The following CDH4 variants were observed in gnomAD, a reference collection of about 807,000 sequenced individuals.
The protein encoded by CDH4 is cadherin 4.
CDH4 carries 33 observed loss-of-function variants against 86.0 expected under a neutral mutation model. The ratio of observed to expected loss-of-function variants is 0.38; its 90% CI spans 0.29 to 0.51. CDH4 has a LOEUF of 0.51. Ranked by LOEUF, CDH4 falls within the 20% of genes least tolerant of loss-of-function variation. The probability of loss-of-function intolerance (pLI) is 0.86; values close to 1 mark genes in which losing one functional copy is unlikely to be tolerated. For missense variants in CDH4, 1,114 were observed against 1,307.4 expected (o/e 0.85, Z 2.28); for synonymous variants, 555 against 549.4 (o/e 1.01, Z -0.14).
At chr20:61,765,309 A>G (rs6061814) in intron 3 of CDH4, among the ~76,000 whole-genome samples, 9,760 of 152,150 alleles carry the variant, frequency 0.064, 607 homozygotes, top group African/African-American at 0.17. Context: ...TCTGGGGCAC[A>G]CTGCTCCAGG....
At chr20:61,550,922 C>A (rs181882144) in intron 2 of CDH4, among the ~76,000 whole-genome samples, 104 of 152,346 alleles carry the variant, frequency 6.8e-4, no homozygotes, top group Admixed American at 1.6e-3. Context: ...CAGACAGAAT[C>A]TCCTCTTGCA....
At chr20:61,655,605 A>G (rs1600845192) in intron 2 of CDH4, among the ~76,000 whole-genome samples, 1 of 152,258 alleles carries the variant, frequency 6.6e-6, no homozygotes, top group Admixed American at 6.5e-5. Context: ...CCCACCGGCC[A>G]GGAAGCTCCA....
chr20:61,394,617 C>T (rs967248377), intron 2 of CDH4, among the ~76,000 whole-genome samples: 2 of 151,708 alleles, frequency 1.3e-5, no homozygotes. Context: ...CAGGGGACAG[C>T]TGAGCACCAT....
In CDH4 at chr20:61,703,988, G is replaced by A. The variant is rs2087803859; in HGVS notation, c.170-39575G>A. On this transcript the variant is annotated intron_variant, in intron 2 of 15. Transcript: ENST00000614565. This position sits in a 1 kb window ranked among gnomAD's most constrained non-coding sequence, Gnocchi z 4.3. ...GAGGGTGGCAGAGTCACAGCCGCTG[G>A]GAGTGGCCGGGCAGGTGGCTGTGCC... Among the ~76,000 whole-genome samples, 1 of 152,160 alleles carries A rather than the reference G, an allele frequency of 6.6e-6. No homozygotes were observed. The highest frequency in any genetic ancestry group is 2.1e-4 in the South Asian group (1 of 4,806).
chr20:61,904,071 C>G (rs559589918), intron 8 of CDH4, among the ~76,000 whole-genome samples: 1 of 152,356 alleles, frequency 6.6e-6, no homozygotes, highest in African/African-American at 2.4e-5. Flanking sequence ...AAGCCGGCGT[C>G]CTGTGGGCTT....
chr20:61,536,296 C>T (rs2145648656), intron 2 of CDH4, among the ~76,000 whole-genome samples: 1 of 152,326 alleles, frequency 6.6e-6, no homozygotes, highest in Admixed American at 6.5e-5. Context: ...GGAGGCTCTG[C>T]CAACAGGGCT....
chr20:61,634,623 G>A (rs1275790991), intron 2 of CDH4, among the ~76,000 whole-genome samples: 3 of 152,224 alleles, frequency 2.0e-5, no homozygotes, highest in Non-Finnish European at 2.9e-5. Context: ...CTCCTGGGCC[G>A]CCCCAGCCCG....
At chr20:61,848,743 G>A (rs183581784) in intron 5 of CDH4, among the ~76,000 whole-genome samples, 1 of 152,154 alleles carries the variant, frequency 6.6e-6, no homozygotes, top group African/African-American at 2.4e-5. Flanking sequence ...GGCCAGGCTG[G>A]TCTCAAACTC....
At chr20:61,287,567 A>G (rs371856140) in intron 2 of CDH4, among the ~76,000 whole-genome samples, 29 of 152,264 alleles carry the variant, frequency 1.9e-4, no homozygotes, top group African/African-American at 7.0e-4. Context: ...GGGATGCCCC[A>G]TTGACTTCTG....
intron 2 of CDH4, among the ~76,000 whole-genome samples, chr20:61,265,529 T>G (rs2084153917): frequency 6.6e-6 from 1 of 152,040 alleles, no homozygotes; most frequent in Admixed American, 6.5e-5. Flanking sequence ...GTTCCTTCAT[T>G]CAATCTTACA....
intron 2 of CDH4, among the ~76,000 whole-genome samples, chr20:61,589,895 A>G (rs1483211525): frequency 1.3e-5 from 2 of 151,756 alleles, no homozygotes; most frequent in African/African-American, 4.8e-5. Flanking sequence ...CAAACAGAGA[A>G]CAGATAATCA....
chr20:61,635,637 G>A (rs1207270717), intron 2 of CDH4, among the ~76,000 whole-genome samples: 5 of 152,190 alleles, frequency 3.3e-5, no homozygotes, highest in African/African-American at 1.2e-4. Context: ...CAGAGGCTGG[G>A]CTATCACCAC....
intron 2 of CDH4, among the ~76,000 whole-genome samples, chr20:61,366,945 G>A (rs185134728): frequency 1.3e-5 from 2 of 152,162 alleles, no homozygotes; most frequent in Non-Finnish European, 2.9e-5. Context: ...CATAGCCCTG[G>A]ACAACTGGAG....
intron 2 of CDH4, among the ~76,000 whole-genome samples, chr20:61,329,268 C>T (rs1198301861): frequency 1.3e-5 from 2 of 150,254 alleles, no homozygotes; most frequent in Non-Finnish European, 3.0e-5. Context: ...GCACTGGAAT[C>T]CACTCTGCTC....
At chr20:61,737,430 G>A (rs975846240) in intron 2 of CDH4, among the ~76,000 whole-genome samples, 1 of 152,094 alleles carries the variant, frequency 6.6e-6, no homozygotes, top group Non-Finnish European at 1.5e-5. Flanking sequence ...CCAGCTGGCC[G>A]CAAACACCCT....
At chr20:61,847,926 C>T (rs1295547580) in intron 5 of CDH4, among the ~76,000 whole-genome samples, 1 of 152,246 alleles carries the variant, frequency 6.6e-6, no homozygotes, top group Non-Finnish European at 1.5e-5. Context: ...CCAAACACCT[C>T]CCACCAGGCC....
Position 61,452,230 on chromosome 20 carries a change from T to A in CDH4, c.169+197293T>A, listed in dbSNP as rs557757991. On this transcript the variant is annotated intron_variant, in intron 2 of 15. Transcript: ENST00000614565. ...GCAGGTGGCAGACTTACATGTTGAG[T>A]TCCAGGTGTCTTTGGAATTAATCTC... 2.6e-5 allele frequency among the ~76,000 whole-genome samples: 4 copies of A among 152,226 alleles called. No individual in the cohort carries two copies. The South Asian group carries it at 8.3e-4, about 32-fold the overall frequency.
chr20:61,392,675 G>T lies in CDH4; in HGVS notation c.169+137738G>T, dbSNP rs2084992911. On this transcript the variant is annotated intron_variant, in intron 2 of 15. Transcript: ENST00000614565. The surrounding 1 kb of genome is among the most constrained non-coding windows in gnomAD (Gnocchi z 5.7). Reference sequence around the variant, plus strand: ...CTATGTTGTTAATTCAACTCCCTTGGGTTCTCATCTTCTGATTCAAAAGAC... The same window carrying T: ...CTATGTTGTTAATTCAACTCCCTTGTGTTCTCATCTTCTGATTCAAAAGAC... 6.6e-6 allele frequency among the ~76,000 whole-genome samples: 1 copy of T among 152,060 alleles called. No individual in the cohort carries two copies. The highest frequency in any genetic ancestry group is 2.4e-5 in the African/African-American group (1 of 41,380).
chr20:61,844,570 G>C (rs1982338025), intron 4 of CDH4, 98 bp from the exon 5 acceptor site: 1 of 1,192,612 alleles, frequency 8.4e-7, no homozygotes, highest in Non-Finnish European at 1.2e-6. Context: ...AAATGGTCGA[G>C]CTCGAGGAAC....
Sources: allele counts gnomAD v4.1 joint callset (sites outside exome capture counted in the v4.1 genomes callset), GRCh38; gene constraint gnomAD v4.1.1; non-coding constraint Gnocchi (gnomAD v3.1); transcripts MANE v1.5; gene names NCBI Gene and HGNC (gene_info 2026-07-23, HGNC 2026-07-21).